ATP8B4: variants seen among roughly 807,000 people sequenced by gnomAD.
The protein encoded by ATP8B4 is ATPase phospholipid transporting 8B4 (putative).
In ATP8B4, 133 loss-of-function variants were observed where a neutral mutation model predicts 145.6. The ratio of observed to expected loss-of-function variants is 0.91; its 90% CI spans 0.79 to 1.05. ATP8B4 has a LOEUF of 1.05. Ranked by LOEUF, ATP8B4 falls within the 50% of genes least tolerant of loss-of-function variation. The probability of loss-of-function intolerance (pLI) is 0.00; values close to 1 mark genes in which losing one functional copy is unlikely to be tolerated. For synonymous variants in ATP8B4, 507 were observed against 492.9 expected (o/e 1.03, Z -0.38); for missense variants, 1,458 against 1,425.2 (o/e 1.02, Z -0.37).
At chr15:49,909,677 C>T (rs1435242321) in intron 20 of ATP8B4, among the ~76,000 whole-genome samples, 1 of 148,326 alleles carries the variant, frequency 6.7e-6, no homozygotes, top group African/African-American at 2.5e-5. Flanking sequence ...AACAACCACA[C>T]CCTAAGCCAC....
intron 1 of ATP8B4, among the ~76,000 whole-genome samples, chr15:50,145,121 A>T (rs1362004535): frequency 1.3e-5 from 2 of 152,260 alleles, no homozygotes; most frequent in African/African-American, 4.8e-5. Flanking sequence ...ATGAACCTTG[A>T]TATTTAGTTT....
chr15:49,876,833 C>T, intron 24 of ATP8B4: 1 of 462,368 alleles, frequency 2.2e-6, no homozygotes, highest in Non-Finnish European at 4.1e-6. Context: ...AGTTTCTTTC[C>T]TACACTCTCC....
At chr15:49,939,941 T>G (rs2042033566) in intron 14 of ATP8B4, among the ~76,000 whole-genome samples, 4 of 152,196 alleles carry the variant, frequency 2.6e-5, no homozygotes, top group Admixed American at 2.0e-4. Context: ...GCTTATACAC[T>G]GTTGGTGGGA....
chr15:49,873,528 T>C (rs1253990082), intron 25 of ATP8B4, among the ~76,000 whole-genome samples: 1 of 152,066 alleles, frequency 6.6e-6, no homozygotes, highest in African/African-American at 2.4e-5. Context: ...AGACATAAAA[T>C]TATATATATA....
chr15:49,880,669 T>C (rs1384299705), intron 23 of ATP8B4: 2 of 152,228 alleles, frequency 1.3e-5, no homozygotes, highest in Non-Finnish European at 1.5e-5. Context: ...CTATTTCTAA[T>C]AACAAATTTT....
At chr15:49,915,951 T>G (rs2039697493) in intron 20 of ATP8B4, among the ~76,000 whole-genome samples, 1 of 151,600 alleles carries the variant, frequency 6.6e-6, no homozygotes, top group Admixed American at 6.6e-5. Context: ...TCAGGAAGAA[T>G]AGTTTAATGA....
chr15:50,094,965 C>T (rs2055873434), intron 2 of ATP8B4, among the ~76,000 whole-genome samples: 1 of 152,042 alleles, frequency 6.6e-6, no homozygotes, highest in African/African-American at 2.4e-5. Context: ...CAAGTTAAGT[C>T]AGACTACATC....
At chr15:50,084,909 C>T (rs2054795031) in intron 2 of ATP8B4, among the ~76,000 whole-genome samples, 1 of 152,192 alleles carries the variant, frequency 6.6e-6, no homozygotes, top group South Asian at 2.1e-4. Flanking sequence ...ATATTCTCAC[C>T]ACCCTCAAGA....
At chr15:50,014,541 T>G (rs2153574577) in intron 6 of ATP8B4, among the ~76,000 whole-genome samples, 1 of 152,340 alleles carries the variant, frequency 6.6e-6, no homozygotes, top group African/African-American at 2.4e-5. Context: ...GGGACTGTAC[T>G]GATCCCTTCA....
At chr15:50,034,023 T>C (rs2050643455) in intron 6 of ATP8B4, among the ~76,000 whole-genome samples, 1 of 152,148 alleles carries the variant, frequency 6.6e-6, no homozygotes, top group Non-Finnish European at 1.5e-5. Context: ...GCAATGAGCA[T>C]ATGTGTGTGT....
chr15:50,112,271 C>A (rs972918881), intron 1 of ATP8B4, among the ~76,000 whole-genome samples: 1 of 152,086 alleles, frequency 6.6e-6, no homozygotes, highest in African/African-American at 2.4e-5. Flanking sequence ...CCTTGGCAGC[C>A]CCCCTTGCTG....
In ATP8B4 at chr15:49,959,961, A is replaced by G. The variant is rs538070476; in HGVS notation, c.1287+2016T>C. ...AAAACAGTTAAGAGAAATCTAGGGG[A>G]AAAAAAGAGCACTGAAAAACAACCA... On this transcript the variant is annotated intron_variant, in intron 14 of 27. Coordinates refer to ENST00000284509, the MANE Select transcript of ATP8B4 (RefSeq NM_024837.4). Among the ~76,000 whole-genome samples the G allele has an allele frequency of 9.6e-4, 146 of 152,210 alleles. 1 individual carries two copies. The highest frequency in any genetic ancestry group is 3.3e-3 in the African/African-American group (136 of 41,532).
intron 6 of ATP8B4, among the ~76,000 whole-genome samples, chr15:50,011,930 T>C (rs2048748191): frequency 6.6e-6 from 1 of 152,198 alleles, no homozygotes; most frequent in Non-Finnish European, 1.5e-5. Flanking sequence ...TTTTATAGGC[T>C]GGAAAATAGT....
intron 6 of ATP8B4, among the ~76,000 whole-genome samples, chr15:50,036,634 A>C (rs1010727276): frequency 2.0e-5 from 3 of 152,212 alleles, no homozygotes; most frequent in African/African-American, 7.2e-5. Context: ...GCAAAATTTA[A>C]CAGGACAAGC....
chr15:50,120,590 C>G (rs533213506), upstream of ATP8B4, among the ~76,000 whole-genome samples: 8 of 152,158 alleles, frequency 5.3e-5, no homozygotes, highest in Admixed American at 2.0e-4. Flanking sequence ...ATAGTAGTGC[C>G]TATCAAGTAT....
intron 25 of ATP8B4, among the ~76,000 whole-genome samples, chr15:49,868,618 T>G (rs141116903): frequency 4.6e-5 from 7 of 152,248 alleles, no homozygotes; most frequent in African/African-American, 1.7e-4. Flanking sequence ...AGGAGGAGCA[T>G]TTAATAACAT....
intron 23 of ATP8B4, chr15:49,883,251 T>G (rs548271436): frequency 1.3e-5 from 2 of 152,306 alleles, no homozygotes; most frequent in Non-Finnish European, 2.9e-5. Context: ...TGAGAAATTA[T>G]GGCGTACTCA....
At chr15:49,903,764 C>T (rs2038306566) in intron 20 of ATP8B4, among the ~76,000 whole-genome samples, 1 of 152,078 alleles carries the variant, frequency 6.6e-6, no homozygotes, top group South Asian at 2.1e-4. Context: ...CTTGGTGGCA[C>T]ATGCCTGTAA....
intron 6 of ATP8B4, among the ~76,000 whole-genome samples, chr15:50,014,031 G>A (rs2048908714): frequency 6.6e-6 from 1 of 152,170 alleles, no homozygotes. Context: ...TATTGCAAGT[G>A]CATTGCTAAA....
Sources: gnomAD v4.1 joint callset for allele counts (sites outside exome capture counted in the v4.1 genomes callset) on GRCh38, gnomAD v4.1.1 for gene constraint, MANE v1.5 for transcripts, NCBI Gene and HGNC (gene_info 2026-07-23, HGNC 2026-07-21) for gene names.